Variants in PLCH1 observed in about 807,000 individuals in gnomAD.
PLCH1 encodes the protein 1-phosphatidylinositol 4,5-bisphosphate phosphodiesterase eta-1.
PLCH1 carries 60 observed loss-of-function variants against 126.7 expected under a neutral mutation model. The observed-to-expected ratio is 0.47, with a 90% CI of 0.38 to 0.59. The LOEUF (loss-of-function observed/expected upper bound fraction) is 0.59, where lower values mean the gene tolerates loss of function less well. Ranked by LOEUF, PLCH1 falls within the 20% of genes least tolerant of loss-of-function variation. PLCH1 has a pLI of 0.00. For missense variants in PLCH1, 1,723 were observed against 2,040.0 expected, an observed-to-expected ratio of 0.84 and a Z score of 2.99; for synonymous variants, 719 against 734.9, an observed-to-expected ratio of 0.98 and a Z score of 0.35.
intron 6 of PLCH1, among the ~76,000 whole-genome samples, chr3:155,577,191 T>C (rs1730082536): frequency 6.6e-6 from 1 of 152,124 alleles, no homozygotes; most frequent in Admixed American, 6.5e-5. Context: ...GCTCAGGAGT[T>C]GGAGTTTATA....
intron 2 of PLCH1, among the ~76,000 whole-genome samples, chr3:155,625,717 G>T (rs766306702): frequency 1.3e-5 from 2 of 152,038 alleles, no homozygotes; most frequent in African/African-American, 2.4e-5. Flanking sequence ...TTAAAAAACA[G>T]ATCAGGAAAC....
chr3:155,539,248 C>T (rs1158552344), intron 10 of PLCH1, among the ~76,000 whole-genome samples: 1 of 152,128 alleles, frequency 6.6e-6, no homozygotes, highest in Non-Finnish European at 1.5e-5. Context: ...ATAGAAGGGA[C>T]ATACCTTAAG....
intron 10 of PLCH1, among the ~76,000 whole-genome samples, chr3:155,534,740 C>T (rs1433949179): frequency 1.3e-5 from 2 of 152,150 alleles, no homozygotes; most frequent in African/African-American, 2.4e-5. Flanking sequence ...GTAATTGGAT[C>T]ATGGGGGCAG....
chr3:155,654,618 C>T (rs1741142272), intron 2 of PLCH1, among the ~76,000 whole-genome samples: 1 of 152,162 alleles, frequency 6.6e-6, no homozygotes, highest in African/African-American at 2.4e-5. Flanking sequence ...CCACATCTGA[C>T]CAATCAGGAA....
intron 8 of PLCH1, among the ~76,000 whole-genome samples, chr3:155,555,173 A>G (rs1726645033): frequency 6.6e-6 from 1 of 152,248 alleles, no homozygotes; most frequent in Non-Finnish European, 1.5e-5. Flanking sequence ...CTTACCTCAT[A>G]CAATAGCTCT....
chr3:155,502,396 A>C (rs1718036753), intron 13 of PLCH1, among the ~76,000 whole-genome samples: 1 of 152,244 alleles, frequency 6.6e-6, no homozygotes, highest in Non-Finnish European at 1.5e-5. Flanking sequence ...TCTAATGGAC[A>C]ACAATTTATT....
chr3:155,719,612 G>C (rs1048827747), intron 1 of PLCH1, among the ~76,000 whole-genome samples: 11 of 151,780 alleles, frequency 7.2e-5, no homozygotes, highest in Admixed American at 1.3e-4. Context: ...TAGGGGATTT[G>C]AACTGTTGTA....
At chr3:155,563,369 C>A (rs939378991) in intron 8 of PLCH1, among the ~76,000 whole-genome samples, 1 of 152,198 alleles carries the variant, frequency 6.6e-6, no homozygotes, top group East Asian at 1.9e-4. Context: ...AGATGGAAAA[C>A]TGGACTCATT....
chr3:155,482,978 C>T lies in PLCH1; in HGVS notation c.3048G>A (p.Lys1016=). ...KDPHFLNFNK[K]LSSSSSALLH... is the part of the protein sequence containing the mutation. ...GCAGAGCACTGGAGGAGGATGATAA[C>T]TTTTTGTTGAAATTTAGAAAATGTG... Residue 1016 remains lysine (K), a synonymous_variant, in exon 23 of 23, where the codon AAG becomes AAA. Transcript: ENST00000460012. 3 of 1,614,002 alleles carry T rather than the reference C, an allele frequency of 1.9e-6. No individual in the cohort carries two copies. Among genetic ancestry groups the T allele is most frequent in the Non-Finnish European group, 2.5e-6 (3 of 1,179,916 alleles).
chr3:155,519,564 A>G (rs1236575552), intron 11 of PLCH1, among the ~76,000 whole-genome samples: 1 of 151,968 alleles, frequency 6.6e-6, no homozygotes, highest in African/African-American at 2.4e-5. Flanking sequence ...CTTGAAAGGA[A>G]CCTTCCAAAC....
intron 1 of PLCH1, among the ~76,000 whole-genome samples, chr3:155,744,259 C>G (rs1749826325): frequency 1.3e-5 from 2 of 152,180 alleles, no homozygotes; most frequent in African/African-American, 4.8e-5. Flanking sequence ...TTTGCCTCCA[C>G]CACCCCGCGC....
intron 4 of PLCH1, among the ~76,000 whole-genome samples, chr3:155,586,726 G>T (rs533594253): frequency 2.0e-5 from 3 of 152,178 alleles, no homozygotes; most frequent in African/African-American, 7.2e-5. Context: ...GCGGGGGGTG[G>T]TTCCCTCCAT....
intron 1 of PLCH1, among the ~76,000 whole-genome samples, chr3:155,709,703 G>C (rs142664420): frequency 6.6e-6 from 1 of 151,910 alleles, no homozygotes; most frequent in Non-Finnish European, 1.5e-5. Context: ...CTGCAGCCTC[G>C]ACCTCCAGGG....
intron 10 of PLCH1, among the ~76,000 whole-genome samples, chr3:155,543,090 A>G (rs565623669): frequency 2.6e-5 from 4 of 152,324 alleles, no homozygotes; most frequent in Admixed American, 2.0e-4. Context: ...AAACTACTCC[A>G]AGCTACAGGA....
chr3:155,637,848 A>C (rs990058009), intron 2 of PLCH1, among the ~76,000 whole-genome samples: 1 of 152,170 alleles, frequency 6.6e-6, no homozygotes, highest in Non-Finnish European at 1.5e-5. Flanking sequence ...CCACCTCAAA[A>C]TGTATTCAAA....
rs191183809 is a variant in PLCH1 at position 155,480,588 on chromosome 3, A to C, written c.*380T>G. On this transcript the variant is annotated 3_prime_UTR_variant, in exon 23 of 23. Transcript: ENST00000460012. ...CCCTTTGTCGTTTGCAAAGTCTCTT[A>C]ATCAACTCAACAGTTAGAGAGTAAA... 1 of 167,080 alleles carries C rather than the reference A, an allele frequency of 6.0e-6. No individual in the cohort carries two copies. Among genetic ancestry groups the C allele is most frequent in the Admixed American group, 5.8e-5 (1 of 17,306 alleles). The allele number at this position is 167,080 out of a possible 1,614,324, so 10.3% of individuals were successfully genotyped here. A position where few individuals can be genotyped will look rare whatever the true frequency, so the allele number is the denominator to read the frequency against.
intron 1 of PLCH1, among the ~76,000 whole-genome samples, chr3:155,730,284 T>G (rs1047697447): frequency 1.4e-5 from 2 of 145,598 alleles, no homozygotes; most frequent in African/African-American, 2.5e-5. Context: ...AATGATTAGT[T>G]TTTTTTTTTT....
chr3:155,691,569 G>A (rs990288244), intron 2 of PLCH1, among the ~76,000 whole-genome samples: 1 of 152,190 alleles, frequency 6.6e-6, no homozygotes, highest in African/African-American at 2.4e-5. Flanking sequence ...GCGTAACAGA[G>A]GTAGAGCAGA....
At chr3:155,528,229 C>CAAAA in intron 10 of PLCH1, among the ~76,000 whole-genome samples, 1 of 124,404 alleles carries the variant, frequency 8.0e-6, no homozygotes, top group African/African-American at 3.1e-5. Context: ...GTCTCCCCAC[C>CAAAA]AAAAAAAAAA....
Sources: allele counts gnomAD v4.1 joint callset (sites outside exome capture counted in the v4.1 genomes callset), GRCh38; gene constraint gnomAD v4.1.1; transcripts MANE v1.5; gene names NCBI Gene and HGNC (gene_info 2026-07-23, HGNC 2026-07-21).